GPC5: variants seen among roughly 807,000 people sequenced by gnomAD.
The protein encoded by GPC5 is glypican 5.
GPC5 carries 47 observed loss-of-function variants against 53.9 expected under a neutral mutation model. The ratio of observed to expected loss-of-function variants is 0.87; its 90% CI spans 0.69 to 1.11. The LOEUF (loss-of-function observed/expected upper bound fraction) is 1.11. GPC5 is among the 50% of genes most tolerant of loss of function. The probability of loss-of-function intolerance (pLI) is 0.00; values close to 1 mark genes in which losing one functional copy is unlikely to be tolerated. For missense variants in GPC5, 748 were observed against 713.1 expected, an observed-to-expected ratio of 1.05 and a Z score of -0.56; for synonymous variants, 286 against 263.3, an observed-to-expected ratio of 1.09 and a Z score of -0.84.
At chr13:92,346,298 T>C (rs1203401908) in intron 7 of GPC5, among the ~76,000 whole-genome samples, 1 of 152,086 alleles carries the variant, frequency 6.6e-6, no homozygotes, top group Non-Finnish European at 1.5e-5. Flanking sequence ...GCAGATCCCA[T>C]ACAGTAGAAT....
intron 2 of GPC5, among the ~76,000 whole-genome samples, chr13:91,625,454 G>T (rs184807981): frequency 6.6e-6 from 1 of 152,008 alleles, no homozygotes; most frequent in Non-Finnish European, 1.5e-5. Flanking sequence ...CATGGAGAAG[G>T]CATGGAAGGA....
rs542253798 is a variant in GPC5 at position 91,701,468 on chromosome 13, C to T, written c.1020+7587C>T. Among the ~76,000 whole-genome samples the T allele has an allele frequency of 3.6e-3, 546 of 152,168 alleles. 2 individuals carry two copies. Among genetic ancestry groups the T allele is most frequent in the African/African-American group, 0.012 (519 of 41,532 alleles). ...GTCTTTCTCTGCCTGACTTATTTCA[C>T]TTAGCATAATTCCTTCTAGATTCGT... On this transcript the variant is annotated intron_variant, in intron 3 of 7. Transcript: ENST00000377067.
chr13:91,734,653 C>T lies in GPC5; in HGVS notation c.1154+5988C>T, dbSNP rs1305430605. ...ATGCAAGGTTCTTTCTCAAGGGATC[C>T]CAGCCTTCAGTCAAGGTGCTTTGAT... is the stretch of plus-strand genomic sequence containing the variant. On this transcript the variant is annotated intron_variant, in intron 4 of 7. Transcript: ENST00000377067. 2.0e-5 allele frequency among the ~76,000 whole-genome samples: 3 copies of T among 151,370 alleles called. No individual in the cohort carries two copies. In the East Asian group the frequency reaches 5.8e-4, roughly 29 times the overall value.
chr13:92,340,616 A>T (rs1415841776), intron 7 of GPC5: 2 of 152,276 alleles, frequency 1.3e-5, no homozygotes, highest in East Asian at 1.9e-4. Flanking sequence ...ACTTGGAAAC[A>T]TTCCCTTAAT....
intron 7 of GPC5, among the ~76,000 whole-genome samples, chr13:92,255,128 A>G (rs572933370): frequency 2.2e-4 from 34 of 152,328 alleles, no homozygotes; most frequent in African/African-American, 8.2e-4. Flanking sequence ...ACTGTTTTAT[A>G]TGAGACTTGA....
At chr13:92,380,454 C>T (rs2043729517) in intron 7 of GPC5, among the ~76,000 whole-genome samples, 3 of 152,052 alleles carry the variant, frequency 2.0e-5, no homozygotes, top group Admixed American at 1.3e-4. Flanking sequence ...TCTGATAGTT[C>T]CTTAATGCTC....
intron 5 of GPC5, among the ~76,000 whole-genome samples, chr13:91,764,551 T>C (rs1264861011): frequency 6.6e-6 from 1 of 152,212 alleles, no homozygotes; most frequent in East Asian, 1.9e-4. Flanking sequence ...TCATTATGGG[T>C]TAGTTCCATA....
At chr13:92,335,797 A>G (rs950267647) in intron 7 of GPC5, among the ~76,000 whole-genome samples, 1 of 152,142 alleles carries the variant, frequency 6.6e-6, no homozygotes. Flanking sequence ...TCTCCATCTG[A>G]GACGACCTTA....
At chr13:91,943,953 A>C (rs2039951434) in intron 6 of GPC5, among the ~76,000 whole-genome samples, 1 of 152,112 alleles carries the variant, frequency 6.6e-6, no homozygotes, top group Non-Finnish European at 1.5e-5. Flanking sequence ...GTTGATTACA[A>C]CTCAAAATAT....
intron 2 of GPC5, among the ~76,000 whole-genome samples, chr13:91,547,176 T>G (rs1359261485): frequency 6.6e-6 from 1 of 152,014 alleles, no homozygotes; most frequent in Non-Finnish European, 1.5e-5. Context: ...ATTAGATACA[T>G]CTTGTGACAT....
rs114490817 is a variant in GPC5, at chr13:91,776,589, G to A, written c.1280+20169G>A. On this transcript the variant is annotated intron_variant, in intron 5 of 7. Transcript: ENST00000377067. ...TGGAGACATTATTTCAGGAACTCAC[G>A]ATCCTATCAGCAGCAACTCGCAGAG... Among the ~76,000 whole-genome samples the A allele has an allele frequency of 2.1e-3, 317 of 152,248 alleles. 2 individuals are homozygous for A. Among genetic ancestry groups the A allele is most frequent in the African/African-American group, 7.1e-3 (294 of 41,552 alleles).
chr13:91,502,536 G>T (rs995613995), intron 2 of GPC5, among the ~76,000 whole-genome samples: 1 of 152,140 alleles, frequency 6.6e-6, no homozygotes, highest in Non-Finnish European at 1.5e-5. Flanking sequence ...TATGACAGTT[G>T]AATTTTCCAA....
intron 5 of GPC5, among the ~76,000 whole-genome samples, chr13:91,821,316 T>A (rs2038491368): frequency 6.6e-6 from 1 of 152,208 alleles, no homozygotes; most frequent in Non-Finnish European, 1.5e-5. Flanking sequence ...ATATGTCAAG[T>A]TTATATCCAG....
At chr13:92,145,064 T>A in intron 7 of GPC5, 75 bp downstream of exon 7, 1 of 1,186,750 alleles carries the variant, frequency 8.4e-7, no homozygotes, top group Non-Finnish European at 1.1e-6. Context: ...GTTATGGATG[T>A]AAAGAAATAA....
chr13:91,468,937 A>G (rs1882426090), intron 2 of GPC5, among the ~76,000 whole-genome samples: 1 of 142,940 alleles, frequency 7.0e-6, no homozygotes, highest in Non-Finnish European at 1.5e-5. Context: ...GATTACAGTG[A>G]TGAGATCACA....
intron 7 of GPC5, among the ~76,000 whole-genome samples, chr13:92,755,880 C>G (rs1461742413): frequency 6.9e-6 from 1 of 145,964 alleles, no homozygotes; most frequent in Admixed American, 6.9e-5. Flanking sequence ...GATGGATTCA[C>G]AGCCGAATTC....
At chr13:91,887,660 A>G (rs561863391) in intron 5 of GPC5, among the ~76,000 whole-genome samples, 58 of 152,248 alleles carry the variant, frequency 3.8e-4, no homozygotes, top group Admixed American at 3.3e-3. Flanking sequence ...ATTTCCATAG[A>G]TCTCTGGGGC....
chr13:91,653,177 C>A (rs9589325), intron 2 of GPC5, among the ~76,000 whole-genome samples: 1 of 152,202 alleles, frequency 6.6e-6, no homozygotes, highest in Non-Finnish European at 1.5e-5. Context: ...ACTTTTCAAA[C>A]GTTCCTGTAA....
intron 2 of GPC5, among the ~76,000 whole-genome samples, chr13:91,557,151 C>G (rs1275950656): frequency 6.6e-6 from 1 of 152,000 alleles, no homozygotes; most frequent in African/African-American, 2.4e-5. Flanking sequence ...AGTGGCTGCA[C>G]CATTTACCTT....
Sources: allele counts gnomAD v4.1 joint callset (sites outside exome capture counted in the v4.1 genomes callset), GRCh38; gene constraint gnomAD v4.1.1; transcripts MANE v1.5; gene names NCBI Gene and HGNC (gene_info 2026-07-23, HGNC 2026-07-21).